Variants in ZNF573 observed in about 807,000 individuals in gnomAD.
ZNF573 encodes the protein zinc finger protein 573.
Under a neutral mutation model 57.4 loss-of-function variants are expected in ZNF573, and 41 were observed. That is an observed-to-expected ratio of 0.71 (90% confidence interval 0.56 to 0.93). The LOEUF (loss-of-function observed/expected upper bound fraction) is 0.93, where lower values mean the gene tolerates loss of function less well. Among genes scored for constraint, ZNF573 ranks in the 40% least tolerant of loss-of-function variants. The pLI is 0.00. For synonymous variants in ZNF573, 249 were observed against 261.0 expected (o/e 0.95, Z 0.44); for missense variants, 730 against 794.8 (o/e 0.92, Z 0.98).
At chr19:37,746,287 G>C (rs2045381513) in intron 4 of ZNF573, among the ~76,000 whole-genome samples, 1 of 152,146 alleles carries the variant, frequency 6.6e-6, no homozygotes, top group South Asian at 2.1e-4. Flanking sequence ...GAGTAAACTT[G>C]ATGCTCATGG....
At position 37,743,050 on chromosome 19, in the gene ZNF573, G is replaced by A. The variant is rs147776991; in HGVS notation, c.296-2856C>T. 4.7e-3 allele frequency among the ~76,000 whole-genome samples: 711 copies of A among 152,260 alleles called. 8 individuals are homozygous for A. Among genetic ancestry groups the A allele is most frequent in the African/African-American group, 0.016 (670 of 41,560 alleles). ...TCAAAAGAAGACATTTGGCTGCGGT[G>A]GCTCATGCCTGTAATCCCAGCACTT... On this transcript the variant is annotated intron_variant, in intron 4 of 4. Coordinates refer to ENST00000536220, the MANE Select transcript of ZNF573 (RefSeq NM_001172690.2).
At chr19:37,770,729 C>G (rs2045648199) in intron 3 of ZNF573, 2 of 148,202 alleles carry the variant, frequency 1.3e-5, no homozygotes, top group South Asian at 4.3e-4. Flanking sequence ...TGATTGCACT[C>G]CAGCCTAAGC....
rs199647545 is a variant in ZNF573 at position 37,739,842 on chromosome 19, T to A, written c.648A>T (p.Lys216Asn). 498 of 1,613,854 alleles carry A rather than the reference T, an allele frequency of 3.1e-4. No individual in the cohort carries two copies. Among genetic ancestry groups the A allele is most frequent in the Non-Finnish European group, 3.9e-4 (465 of 1,179,890 alleles). Residue 216 changes from lysine to asparagine, a missense_variant, in exon 5 of 5, where the codon AAA becomes AAT. Lys to Asn is a moderately conservative substitution (Grantham distance 94). Transcript: ENST00000536220. ...TCCCACACTGCCTACATTCATAGGT[T>A]TTCTCACCAGTATGAAATCTCTGAT... ...TVHQRFHTGE[K>N]TYECRQCGKA...
At chr19:37,745,619 C>G (rs1173679822) in intron 4 of ZNF573, among the ~76,000 whole-genome samples, 1 of 151,760 alleles carries the variant, frequency 6.6e-6, no homozygotes, top group African/African-American at 2.4e-5. Flanking sequence ...TTATCTGAAA[C>G]TCCTGAACTC....
rs1229910641 is a variant in ZNF573 at position 37,749,035 on chromosome 19, G to A, written c.296-8841C>T. ...CATTTTTAGAAACAGCATAACAAATGTAAGTATAGACTCTATAGTAGATAA... is the reference window on the plus strand; with the variant it reads ...CATTTTTAGAAACAGCATAACAAATATAAGTATAGACTCTATAGTAGATAA... On this transcript the variant is annotated intron_variant, in intron 4 of 4. Transcript: ENST00000536220. Among the ~76,000 whole-genome samples the A allele has an allele frequency of 5.3e-5, 8 of 149,648 alleles. No individual in the cohort carries two copies. The South Asian group carries it at 6.5e-4, about 12-fold the overall frequency.
At chr19:37,771,021 A>G (rs996372807) in intron 3 of ZNF573, among the ~76,000 whole-genome samples, 2 of 151,118 alleles carry the variant, frequency 1.3e-5, no homozygotes, top group Non-Finnish European at 2.9e-5. Context: ...CTCATGAATT[A>G]TAACTTTCAA....
At chr19:37,744,949 A>T (rs2909106) in intron 4 of ZNF573, among the ~76,000 whole-genome samples, 34,731 of 146,570 alleles carry the variant, frequency 0.24, 4,209 homozygotes, top group African/African-American at 0.31. Context: ...GCCCCGCTAA[A>T]TTTTTTGTAT....
rs1434960115 is a variant in ZNF573, at chr19:37,738,750, T to C, written c.1740A>G (p.Lys580=). 1 of 1,613,592 alleles carries C rather than the reference T, an allele frequency of 6.2e-7. No homozygotes were observed. Among genetic ancestry groups the C allele is most frequent in the South Asian group, 1.1e-5 (1 of 91,026 alleles). Residue 580 remains lysine, a synonymous_variant, in exon 5 of 5, where the codon AAA becomes AAG. Coordinates refer to ENST00000536220, the MANE Select transcript of ZNF573 (RefSeq NM_001172690.2). ...TTCCACATTCTTTACATTCATAGGG[T>C]TTTTTATCAGCATGAATGCTCTGAT... ...TAHQSIHADK[K]PYECKECGKA...
chr19:37,750,953 A>G (rs2045428693), intron 4 of ZNF573, among the ~76,000 whole-genome samples: 1 of 151,938 alleles, frequency 6.6e-6, no homozygotes, highest in African/African-American at 2.4e-5. Flanking sequence ...CAAGAATTCA[A>G]GTATCAGTAC....
rs1029361563 is a variant in ZNF573 at position 37,739,766 on chromosome 19, C to T, written c.724G>A (p.Gly242Ser). 1 of 1,614,082 alleles carries T rather than the reference C, an allele frequency of 6.2e-7. No homozygotes were observed. The highest frequency in any genetic ancestry group is 8.5e-7 in the Non-Finnish European group (1 of 1,179,976). ...HIVQHERIHT[G>S]GKPYECQECG... ...TCCTGACATTCATACGGCTTCCCAC[C>T]AGTGTGAATTCTCTCATGTTGAACA... The change falls in exon 5 of 5, where the codon GGT becomes AGT. Residue 242 changes from glycine to serine, a missense_variant. Coordinates refer to ENST00000536220, the MANE Select transcript of ZNF573 (RefSeq NM_001172690.2).
chr19:37,743,267 C>G (rs2045344349), intron 4 of ZNF573, among the ~76,000 whole-genome samples: 1 of 148,442 alleles, frequency 6.7e-6, no homozygotes, highest in South Asian at 2.1e-4. Flanking sequence ...TTGCAGTGAG[C>G]CGAGATCAAG....
In ZNF573 at chr19:37,738,652, T is replaced by G. The variant is rs201106981; in HGVS notation, c.1838A>C (p.Lys613Thr). Residue 613 changes from lysine to threonine, a missense_variant, in exon 5 of 5, where the codon AAA becomes ACA. Physicochemically the swap from Lys to Thr is moderately conservative, Grantham distance 78 (BLOSUM62 -1). Transcript: ENST00000536220. ...IHTGGKPYEC[K>T]ECGKAFSRAS... ...ACGACTGAAGGCCTTCCCACATTCTTTACATTCATAAGGTTTTCCACCAGT... is the reference window on the plus strand; with the variant it reads ...ACGACTGAAGGCCTTCCCACATTCTGTACATTCATAAGGTTTTCCACCAGT... 8.2e-5 allele frequency: 132 copies of G among 1,611,514 alleles called. 1 individual carries two copies. The Middle Eastern group carries it at 8.3e-4, about 10-fold the overall frequency.
chr19:37,753,540 A>C (rs979218748), intron 4 of ZNF573, among the ~76,000 whole-genome samples: 3 of 152,160 alleles, frequency 2.0e-5, no homozygotes, highest in Admixed American at 6.5e-5. Flanking sequence ...TTGTAAATGG[A>C]AATATATGGT....
intron 4 of ZNF573, chr19:37,758,645 A>G (rs545976000): frequency 6.6e-6 from 1 of 151,988 alleles, no homozygotes; most frequent in Admixed American, 6.6e-5. Flanking sequence ...TCTGGTTCTA[A>G]AACCTGATAA....
At chr19:37,741,519 G>C (rs553568122) in intron 4 of ZNF573, among the ~76,000 whole-genome samples, 1 of 152,048 alleles carries the variant, frequency 6.6e-6, no homozygotes, top group Non-Finnish European at 1.5e-5. Context: ...TGCAAGGCTG[G>C]TTCAACATAC....
intron 4 of ZNF573, chr19:37,740,844 C>A (rs2045320666): frequency 1.1e-5 from 3 of 284,620 alleles, no homozygotes; most frequent in South Asian, 1.0e-4. Context: ...TGCACATAAC[C>A]TATAAACATC....
Position 37,770,094 on chromosome 19 carries a change from C to A in ZNF573, c.206G>T (p.Gly69Val). The A allele has an allele frequency of 6.5e-7, 1 of 1,547,416 alleles. No homozygotes were observed. The highest frequency in any genetic ancestry group is 8.7e-7 in the Non-Finnish European group (1 of 1,145,428). The change falls in exon 4 of 5, where the codon GGA becomes GTA. Residue 69 changes from glycine (G) to valine (V), a missense_variant. By Grantham distance (109) the Gly-to-Val change is moderately radical. Transcript: ENST00000536220. Reference protein sequence around the residue: ...ENYRNLVSLGGHSISKPVVVD... With the variant: ...ENYRNLVSLGVHSISKPVVVD... ...CACAACTGGTTTAGAAATGGAATGT[C>A]CTCCTTATAAGAAAAGAAATGCCAC...
chr19:37,753,178 C>T lies in ZNF573; in HGVS notation c.296-12984G>A, dbSNP rs1599691394. On this transcript the variant is annotated intron_variant, in intron 4 of 4. Coordinates refer to ENST00000536220, the MANE Select transcript of ZNF573 (RefSeq NM_001172690.2). ...TATATTTTAGTTATATATTAGTGTA[C>T]ATCTATTCATGCAAAATTGTTATAT... 2.0e-5 allele frequency among the ~76,000 whole-genome samples: 3 copies of T among 152,158 alleles called. No homozygotes were observed. In the East Asian group the frequency reaches 5.8e-4, roughly 29 times the overall value.
At chr19:37,740,272 C>G in intron 4 of ZNF573, 78 bp from the exon 5 acceptor site, 2 of 1,327,856 alleles carry the variant, frequency 1.5e-6, no homozygotes, top group Non-Finnish European at 1.0e-6. Flanking sequence ...CAAAGAAAAA[C>G]CAACATTCAT....
Sources: allele counts gnomAD v4.1 joint callset (sites outside exome capture counted in the v4.1 genomes callset), GRCh38; gene constraint gnomAD v4.1.1; transcripts MANE v1.5; gene names NCBI Gene and HGNC (gene_info 2026-07-23, HGNC 2026-07-21).